The following RPS6KA1 variants were observed in gnomAD, a reference collection of about 807,000 sequenced individuals.
The protein encoded by RPS6KA1 is ribosomal protein S6 kinase alpha-1.
In RPS6KA1, 48 loss-of-function variants were observed where a neutral mutation model predicts 91.3. The ratio of observed to expected loss-of-function variants is 0.53; its 90% CI spans 0.42 to 0.67. The LOEUF (loss-of-function observed/expected upper bound fraction) is 0.67. RPS6KA1 is among the 30% of genes least tolerant of loss of function. The probability of loss-of-function intolerance (pLI) is 0.00; values close to 1 mark genes in which losing one functional copy is unlikely to be tolerated. For synonymous variants in RPS6KA1, 359 were observed against 384.7 expected (o/e 0.93, Z 0.78); for missense variants, 719 against 960.5 (o/e 0.75, Z 3.32).
chr1:26,573,408 G>A (rs780588440), intron 21 of RPS6KA1, 47 bp downstream of exon 21: 2 of 1,611,460 alleles, frequency 1.2e-6, no homozygotes, highest in South Asian at 2.2e-5. Flanking sequence ...TCAGCCCAAG[G>A]TGGCATGGTC....
Position 26,540,177 on chromosome 1 carries a change from T to C in RPS6KA1, c.108+3208T>C, listed in dbSNP as rs1315975770. Among the ~76,000 whole-genome samples, 1 of 152,204 alleles carries C rather than the reference T, an allele frequency of 6.6e-6. No individual in the cohort carries two copies. The highest frequency in any genetic ancestry group is 1.5e-5 in the Non-Finnish European group (1 of 68,024). On this transcript the variant is annotated intron_variant, in intron 2 of 21. Coordinates refer to ENST00000374168, the MANE Select transcript of RPS6KA1 (RefSeq NM_002953.4). The surrounding 1 kb of genome is among the most constrained non-coding windows in gnomAD (Gnocchi z 4.2). ...GACTAAGTAAACCTGGGAGAAGTTC[T>C]GTTTCCAACATCCCCTTGTCTCTGT... is the stretch of plus-strand genomic sequence containing the variant.
In RPS6KA1 at chr1:26,551,440, T is replaced by G; in HGVS notation, c.351T>G (p.Ala117=). The G allele has an allele frequency of 6.2e-7, 1 of 1,614,188 alleles. No homozygotes were observed. Among genetic ancestry groups the G allele is most frequent in the Non-Finnish European group, 8.5e-7 (1 of 1,180,024 alleles). Residue 117 remains alanine, a synonymous_variant, in exon 5 of 22, where the codon GCT becomes GCG. Transcript: ENST00000374168. The surrounding 1 kb of genome is among the most constrained non-coding windows in gnomAD (Gnocchi z 4.5). The part of the protein sequence containing the change: ...VRTKMERDIL[A]DVNHPFVVKL... The stretch of plus-strand genomic sequence containing the variant: ...CCAAGATGGAGAGAGACATCCTGGC[T>G]GATGTAAATCACCCATTCGTGGTGA...
intron 17 of RPS6KA1, among the ~76,000 whole-genome samples, chr1:26,570,082 C>T (rs1229292008): frequency 6.6e-6 from 1 of 152,080 alleles, no homozygotes; most frequent in African/African-American, 2.4e-5. Context: ...CCAGTGGTTG[C>T]CTTGTGGTAG....
At position 26,574,442 on chromosome 1, in the gene RPS6KA1, GA is replaced by G. The variant is rs1463423546; in HGVS notation, c.*248del. 19 of 709,740 alleles carry G rather than the reference GA, an allele frequency of 2.7e-5. No individual in the cohort carries two copies. The highest frequency in any genetic ancestry group is 4.3e-5 in the Non-Finnish European group (16 of 376,274). 44.0% of individuals were successfully genotyped at this position (709,740 alleles called of 1,614,324 possible). ...ATTCACTGTATAAACTTTTTTTTAT[GA>G]AAAAAATGGCATCAACCACCATGGA... On this transcript the variant is annotated 3_prime_UTR_variant, in exon 22 of 22. Transcript: ENST00000374168. This position sits in a 1 kb window ranked among gnomAD's most constrained non-coding sequence, Gnocchi z 4.3.
chr1:26,536,246 T>C (rs943288951), intron 1 of RPS6KA1, among the ~76,000 whole-genome samples: 1 of 151,704 alleles, frequency 6.6e-6, no homozygotes, highest in Non-Finnish European at 1.5e-5. Context: ...AGAGAGCAGC[T>C]GTTAGCCCCA....
At position 26,551,898 on chromosome 1, in the gene RPS6KA1, C is replaced by T. The variant is rs535691832; in HGVS notation, c.468+175C>T. ...CACGCACCCTGGAATGGAGGCCATA[C>T]GCTGGCAAGGTCTCTGAGAGTTTCT... On this transcript the variant is annotated intron_variant, in intron 6 of 21. Coordinates refer to ENST00000374168, the MANE Select transcript of RPS6KA1 (RefSeq NM_002953.4). The surrounding 1 kb of genome is among the most constrained non-coding windows in gnomAD (Gnocchi z 4.5). Among the ~76,000 whole-genome samples the T allele has an allele frequency of 5.3e-5, 8 of 152,296 alleles. No individual in the cohort carries two copies. The highest frequency in any genetic ancestry group is 1.0e-4 in the Non-Finnish European group (7 of 68,016).
chr1:26,530,321 T>C (rs1053044647), intron 1 of RPS6KA1, among the ~76,000 whole-genome samples: 1 of 152,142 alleles, frequency 6.6e-6, no homozygotes, highest in African/African-American at 2.4e-5. Flanking sequence ...GGGGAGATCT[T>C]CAGTGCCAGA....
rs956720442 is a variant in RPS6KA1 at position 26,547,849 on chromosome 1, C to T, written c.307+579C>T. On this transcript the variant is annotated intron_variant, in intron 4 of 21. Transcript: ENST00000374168. The surrounding 1 kb of genome is among the most constrained non-coding windows in gnomAD (Gnocchi z 4.1). Reference sequence around the variant, plus strand: ...CTGGGAACCAGTGTGACCACTGACCCGGCAGAGTCATAGCCAAGTCTCTCT... The same window carrying T: ...CTGGGAACCAGTGTGACCACTGACCTGGCAGAGTCATAGCCAAGTCTCTCT... 2.6e-5 allele frequency among the ~76,000 whole-genome samples: 4 copies of T among 152,146 alleles called. No individual in the cohort carries two copies. The highest frequency in any genetic ancestry group is 4.1e-4 in the South Asian group (2 of 4,828).
chr1:26,555,526 G>A lies in RPS6KA1; in HGVS notation c.828-11G>A. 1 of 1,577,546 alleles carries A rather than the reference G, an allele frequency of 6.3e-7. No individual in the cohort carries two copies. The highest frequency in any genetic ancestry group is 1.2e-5 in the South Asian group (1 of 86,604). ...GGGCTCAGCCTTGATGAGTCCCGGG[G>A]GCTGTTTCAGGGCGAAGCTAGGCAT... is the stretch of plus-strand genomic sequence containing the variant. On this transcript the variant is annotated splice_polypyrimidine_tract_variant and intron_variant, in intron 10 of 21. Coordinates refer to ENST00000374168, the MANE Select transcript of RPS6KA1 (RefSeq NM_002953.4). This position sits in a 1 kb window ranked among gnomAD's most constrained non-coding sequence, Gnocchi z 4.3.
rs148270082 is a variant in RPS6KA1 at position 26,551,282 on chromosome 1, G to C, written c.308-115G>C. The C allele has an allele frequency of 8.2e-6, 7 of 854,130 alleles. No homozygotes were observed. Among genetic ancestry groups the C allele is most frequent in the African/African-American group, 1.7e-5 (1 of 59,776 alleles). The allele number at this position is 854,130 out of a possible 1,614,324, so 52.9% of individuals were successfully genotyped here. A position where few individuals can be genotyped will look rare whatever the true frequency, so the allele number is the denominator to read the frequency against. ...TGTCCCCAAAGCCCTGGGTGAGGGG[G>C]CTTTGGGAGCTCAGGCCTGGAGGAA... On this transcript the variant is annotated intron_variant, in intron 4 of 21. Coordinates refer to ENST00000374168, the MANE Select transcript of RPS6KA1 (RefSeq NM_002953.4). The surrounding 1 kb of genome is among the most constrained non-coding windows in gnomAD (Gnocchi z 4.5).
At chr1:26,552,612 G>A (rs919852353) in intron 6 of RPS6KA1, among the ~76,000 whole-genome samples, 1 of 149,574 alleles carries the variant, frequency 6.7e-6, no homozygotes, top group African/African-American at 2.5e-5. Context: ...TCAGCCTCCC[G>A]AGTAGCTGGG....
intron 2 of RPS6KA1, among the ~76,000 whole-genome samples, chr1:26,537,650 G>T (rs997270218): frequency 7.2e-5 from 11 of 152,198 alleles, no homozygotes; most frequent in African/African-American, 2.7e-4. Context: ...TATTGGAAAA[G>T]ACCACATCCC....
Position 26,567,105 on chromosome 1 carries a change from C to T in RPS6KA1, c.1591-4344C>T, listed in dbSNP as rs534356292. 5.3e-5 allele frequency among the ~76,000 whole-genome samples: 8 copies of T among 152,178 alleles called. No homozygotes were observed. In the East Asian group the frequency reaches 1.2e-3, roughly 22 times the overall value. Reference sequence around the variant, plus strand: ...GATCATGGCTCACTGCAGCCTTGACCTCCCAGGCTCAAGTGATCCTTCCTC... The same window carrying T: ...GATCATGGCTCACTGCAGCCTTGACTTCCCAGGCTCAAGTGATCCTTCCTC... On this transcript the variant is annotated intron_variant, in intron 17 of 21. Transcript: ENST00000374168.
chr1:26,571,658 G>A lies in RPS6KA1; in HGVS notation c.1752+48G>A, dbSNP rs1282206801. 2 of 1,595,286 alleles carry A rather than the reference G, an allele frequency of 1.3e-6. No homozygotes were observed. Among genetic ancestry groups the A allele is most frequent in the African/African-American group, 2.7e-5 (2 of 74,500 alleles). ...CTGTAAGAGTGAGGGGGAATTGGAG[G>A]CCTTGTGCCCCCTCCCAGAGGCCCC... On this transcript the variant is annotated intron_variant, in intron 18 of 21. Transcript: ENST00000374168. This position sits in a 1 kb window ranked among gnomAD's most constrained non-coding sequence, Gnocchi z 5.1.
At chr1:26,563,377 A>G (rs1249062113) in intron 17 of RPS6KA1, among the ~76,000 whole-genome samples, 2 of 151,626 alleles carry the variant, frequency 1.3e-5, no homozygotes, top group Non-Finnish European at 2.9e-5. Flanking sequence ...ACAGGCACGC[A>G]CCACCACACC....
chr1:26,542,818 C>T (rs1480276387), intron 2 of RPS6KA1, among the ~76,000 whole-genome samples: 3 of 152,214 alleles, frequency 2.0e-5, no homozygotes, highest in African/African-American at 7.2e-5. Context: ...GCCCCACATT[C>T]TCTCAGGTCC....
At chr1:26,553,101 G>A (rs962547329) in intron 6 of RPS6KA1, among the ~76,000 whole-genome samples, 1 of 152,112 alleles carries the variant, frequency 6.6e-6, no homozygotes, top group Non-Finnish European at 1.5e-5. Context: ...CCAGTTCATG[G>A]CTGCAAAGCA....
In RPS6KA1 at chr1:26,574,004, C is replaced by T. The variant is rs536818801; in HGVS notation, c.2086-75C>T. The T allele has an allele frequency of 6.5e-7, 1 of 1,540,142 alleles. No homozygotes were observed. The highest frequency in any genetic ancestry group is 1.4e-5 in the African/African-American group (1 of 73,234). On this transcript the variant is annotated intron_variant, in intron 21 of 21. Transcript: ENST00000374168. The surrounding 1 kb of genome is among the most constrained non-coding windows in gnomAD (Gnocchi z 4.3). ...CTGTGGAACACTGAGAGGGGCTGGC[C>T]TACCCTTGGGGCATGGATCCCCTCC...
Position 26,555,372 on chromosome 1 carries a change from C to A in RPS6KA1, c.827+151C>A. On this transcript the variant is annotated intron_variant, in intron 10 of 21. Transcript: ENST00000374168. The surrounding 1 kb of genome is among the most constrained non-coding windows in gnomAD (Gnocchi z 4.3). ...AAACATTATACCTTCCAGAGCCCCT[C>A]TTTCATCCCTGGGGGCCTGTGGGTA... 9.8e-7 allele frequency: 1 copy of A among 1,024,700 alleles called. No homozygotes were observed. Among genetic ancestry groups the A allele is most frequent in the Non-Finnish European group, 1.5e-6 (1 of 687,996 alleles). The allele number at this position is 1,024,700 out of a possible 1,614,324, so 63.5% of individuals were successfully genotyped here. A position where few individuals can be genotyped will look rare whatever the true frequency, so the allele number is the denominator to read the frequency against.
Sources: allele counts gnomAD v4.1 joint callset (sites outside exome capture counted in the v4.1 genomes callset), GRCh38; gene constraint gnomAD v4.1.1; non-coding constraint Gnocchi (gnomAD v3.1); transcripts MANE v1.5; gene names NCBI Gene and HGNC (gene_info 2026-07-23, HGNC 2026-07-21).